The following VWC2 variants were observed in gnomAD, a reference collection of about 807,000 sequenced individuals.
VWC2 encodes the protein von Willebrand factor C domain containing 2.
A neutral mutation model predicts 29.8 loss-of-function variants in VWC2; 14 were observed. The observed-to-expected ratio is 0.47, with a 90% CI of 0.31 to 0.74. The LOEUF is 0.74. Among genes scored for constraint, VWC2 ranks in the 30% least tolerant of loss-of-function variants. The pLI is 0.05. For synonymous variants in VWC2, 213 were observed against 199.0 expected (o/e 1.07, Z -0.59); for missense variants, 457 against 459.8 (o/e 0.99, Z 0.05).
intron 3 of VWC2, among the ~76,000 whole-genome samples, chr7:49,824,411 C>T (rs987475190): frequency 4.6e-5 from 7 of 152,144 alleles, no homozygotes; most frequent in African/African-American, 1.7e-4. Flanking sequence ...TTTTCCAAAC[C>T]ATTTATTCTT....
intron 3 of VWC2, among the ~76,000 whole-genome samples, chr7:49,853,924 T>G (rs1452469503): frequency 6.8e-6 from 1 of 147,314 alleles, no homozygotes; most frequent in Non-Finnish European, 1.5e-5. Context: ...TCCAAATGTT[T>G]TCATTGTTCA....
At chr7:49,890,342 C>G (rs1403492239) in intron 3 of VWC2, among the ~76,000 whole-genome samples, 1 of 151,928 alleles carries the variant, frequency 6.6e-6, no homozygotes, top group East Asian at 1.9e-4. Flanking sequence ...ATGGTAGGAC[C>G]ATCAGGAAGA....
intron 3 of VWC2, among the ~76,000 whole-genome samples, chr7:49,894,242 G>C (rs1299768677): frequency 6.6e-6 from 1 of 152,048 alleles, no homozygotes; most frequent in Non-Finnish European, 1.5e-5. Flanking sequence ...CCTCAGCCTC[G>C]ACCACCCAGG....
chr7:49,814,169 C>T (rs1429971034), intron 3 of VWC2, among the ~76,000 whole-genome samples: 1 of 152,226 alleles, frequency 6.6e-6, no homozygotes, highest in African/African-American at 2.4e-5. Context: ...CTGCATAAAG[C>T]CCAATGGGTA....
intron 3 of VWC2, among the ~76,000 whole-genome samples, chr7:49,893,704 G>A (rs1792245356): frequency 1.3e-5 from 2 of 151,790 alleles, no homozygotes; most frequent in South Asian, 4.2e-4. Flanking sequence ...ATATAAAAGG[G>A]AAATCGAAAT....
chr7:49,807,105 A>G (rs1010928615), intron 3 of VWC2, among the ~76,000 whole-genome samples: 2 of 152,204 alleles, frequency 1.3e-5, no homozygotes, highest in African/African-American at 4.8e-5. Flanking sequence ...AAAAGTCTCC[A>G]TACTTAAAAA....
At chr7:49,819,390 A>T (rs1234200095) in intron 3 of VWC2, among the ~76,000 whole-genome samples, 2 of 152,202 alleles carry the variant, frequency 1.3e-5, no homozygotes, top group East Asian at 1.9e-4. Context: ...GGCCACCTTT[A>T]TGAACTTGCT....
intron 3 of VWC2, among the ~76,000 whole-genome samples, chr7:49,822,777 CTT>C (rs1249545898): frequency 3.9e-5 from 6 of 152,170 alleles, no homozygotes; most frequent in African/African-American, 1.4e-4. Flanking sequence ...GAGTGTGAGT[CTT>C]TGTGTCTGGC....
intron 2 of VWC2, among the ~76,000 whole-genome samples, chr7:49,799,965 G>A (rs1788700079): frequency 6.6e-6 from 1 of 152,216 alleles, no homozygotes; most frequent in Admixed American, 6.5e-5. Context: ...TAATCCATGG[G>A]ACCACGTCGT....
intron 3 of VWC2, among the ~76,000 whole-genome samples, chr7:49,881,450 A>T (rs2128727236): frequency 6.6e-6 from 1 of 152,294 alleles, no homozygotes; most frequent in African/African-American, 2.4e-5. Flanking sequence ...GAGAGCACTA[A>T]TTGTGCCTAA....
chr7:49,873,265 T>G (rs78832069), intron 3 of VWC2, among the ~76,000 whole-genome samples: 4,899 of 152,226 alleles, frequency 0.032, 240 homozygotes, highest in African/African-American at 0.11. Flanking sequence ...GGAAGTCCAA[T>G]ATCAAGAGGC....
chr7:49,919,598 T>C lies in VWC2; in HGVS notation c.*7413T>C, dbSNP rs1793914712. On this transcript the variant is annotated 3_prime_UTR_variant, in exon 4 of 4. Coordinates refer to ENST00000340652, the MANE Select transcript of VWC2 (RefSeq NM_198570.5). ...AAACCCCAATTTAATTTAATATAGA[T>C]TAATTATAAAAATAATCTACCCATG... 1 of 152,160 alleles carries C rather than the reference T, an allele frequency of 6.6e-6. No individual in the cohort carries two copies. Among genetic ancestry groups the C allele is most frequent in the Non-Finnish European group, 1.5e-5 (1 of 68,030 alleles). 9.4% of individuals were successfully genotyped at this position (152,160 alleles called of 1,614,324 possible). A position where few individuals can be genotyped will look rare whatever the true frequency, so the allele number is the denominator to read the frequency against.
rs73692996 is a variant in VWC2, at chr7:49,843,707, A to G, written c.826+40867A>G. Among the ~76,000 whole-genome samples, 1,359 of 152,296 alleles carry G rather than the reference A, an allele frequency of 8.9e-3. 15 individuals are homozygous for G. Among genetic ancestry groups the G allele is most frequent in the African/African-American group, 0.032 (1,312 of 41,550 alleles). The stretch of plus-strand genomic sequence containing the variant: ...TGGGGAGCAGCAACAGCTGAGGTCT[A>G]TTAGAGACAAGGTCATAGAAGCACT... On this transcript the variant is annotated intron_variant, in intron 3 of 3. Transcript: ENST00000340652.
At position 49,806,104 on chromosome 7, in the gene VWC2, C is replaced by G. The variant is rs544580032; in HGVS notation, c.826+3264C>G. Among the ~76,000 whole-genome samples the G allele has an allele frequency of 2.0e-5, 3 of 151,428 alleles. 1 individual carries two copies. The highest frequency in any genetic ancestry group is 7.3e-5 in the African/African-American group (3 of 41,330). On this transcript the variant is annotated intron_variant, in intron 3 of 3. Transcript: ENST00000340652. ...TTATTTGTTTTTAAATTCCACCCCC[C>G]CACAATGATACAAACAGTGAGTGTT...
chr7:49,800,629 C>T (rs1788716094), intron 2 of VWC2, among the ~76,000 whole-genome samples: 1 of 152,078 alleles, frequency 6.6e-6, no homozygotes, highest in South Asian at 2.1e-4. Flanking sequence ...TGCTCTGAGT[C>T]CTTCCAGCTG....
chr7:49,877,481 A>AAAAAATATACATATATATATATAT, intron 3 of VWC2, among the ~76,000 whole-genome samples: 187 of 12,724 alleles, frequency 0.015, 63 homozygotes, highest in Non-Finnish European at 0.022. Context: ...AAAAAAAAAA[A>AAAAAATATACATATATATATATAT]ATATATATAT....
intron 3 of VWC2, among the ~76,000 whole-genome samples, chr7:49,873,257 A>T (rs1383537739): frequency 6.6e-6 from 1 of 152,182 alleles, no homozygotes; most frequent in Non-Finnish European, 1.5e-5. Flanking sequence ...TGGTGGCTGG[A>T]AGTCCAATAT....
chr7:49,822,885 A>C (rs866795923), intron 3 of VWC2, among the ~76,000 whole-genome samples: 1 of 152,290 alleles, frequency 6.6e-6, no homozygotes, highest in East Asian at 1.9e-4. Context: ...TTGTATAGAC[A>C]CAGCACACTT....
intron 3 of VWC2, among the ~76,000 whole-genome samples, chr7:49,820,934 C>T (rs6957449): frequency 0.27 from 40,481 of 151,984 alleles, 5,644 homozygotes; most frequent in African/African-American, 0.35. Flanking sequence ...CAGTGATGAG[C>T]GTGGTCAGGT....
Sources: allele counts gnomAD v4.1 joint callset (sites outside exome capture counted in the v4.1 genomes callset), GRCh38; gene constraint gnomAD v4.1.1; transcripts MANE v1.5; gene names NCBI Gene and HGNC (gene_info 2026-07-23, HGNC 2026-07-21).